Variants in IGFL2 observed in about 807,000 individuals in gnomAD.
The protein encoded by IGFL2 is insulin growth factor-like family member 2.
Under a neutral mutation model 13.9 loss-of-function variants are expected in IGFL2, and 7 were observed. The ratio of observed to expected loss-of-function variants is 0.51; its 90% CI spans 0.29 to 0.95. The LOEUF (loss-of-function observed/expected upper bound fraction) is 0.95, where lower values mean the gene tolerates loss of function less well. Among genes scored for constraint, IGFL2 ranks in the 40% least tolerant of loss-of-function variants. The pLI is 0.08. For missense variants in IGFL2, 138 were observed against 147.8 expected, an observed-to-expected ratio of 0.93 and a Z score of 0.34; for synonymous variants, 55 against 55.8, an observed-to-expected ratio of 0.99 and a Z score of 0.07.
the IGFL2 span, among the ~76,000 whole-genome samples, chr19:46,206,164 C>T: frequency 6.6e-6 from 1 of 152,148 alleles, no homozygotes; most frequent in Admixed American, 6.5e-5. Context: ...CCCTGCCCCA[C>T]TGCCCTCCCT....
At chr19:46,087,875 G>T in the IGFL2 span, among the ~76,000 whole-genome samples, 1 of 152,230 alleles carries the variant, frequency 6.6e-6, no homozygotes, top group Non-Finnish European at 1.5e-5. Context: ...ATGCAGTCTA[G>T]TGGAGGTGGA....
At chr19:46,091,490 G>A in the IGFL2 span, among the ~76,000 whole-genome samples, 2,049 of 152,312 alleles carry the variant, frequency 0.013, 31 homozygotes, top group Middle Eastern at 0.024. Context: ...TGTTAGAAGA[G>A]ACACTTGTGT....
intron 1 of IGFL2, among the ~76,000 whole-genome samples, chr19:46,157,929 T>C (rs919098166): frequency 6.6e-6 from 1 of 152,198 alleles, no homozygotes; most frequent in Non-Finnish European, 1.5e-5. Flanking sequence ...ATAAGTGAGT[T>C]TAGCAAGGTT....
At chr19:46,135,408 C>T in the IGFL2 span, among the ~76,000 whole-genome samples, 2 of 152,250 alleles carry the variant, frequency 1.3e-5, no homozygotes, top group Non-Finnish European at 2.9e-5. Flanking sequence ...CAGGGTTTAA[C>T]TCATGGTCAG....
the IGFL2 span, among the ~76,000 whole-genome samples, chr19:46,105,694 T>C: frequency 3.9e-5 from 6 of 152,146 alleles, no homozygotes; most frequent in Non-Finnish European, 5.9e-5. Flanking sequence ...TTGGAAGTTA[T>C]GAGAACTGTA....
chr19:46,201,001 C>A, the IGFL2 span, among the ~76,000 whole-genome samples: 1 of 152,188 alleles, frequency 6.6e-6, no homozygotes, highest in Non-Finnish European at 1.5e-5. Context: ...ATGACATACT[C>A]AAGCAGTTAT....
chr19:46,156,853 A>G (rs1044103406), intron 1 of IGFL2, among the ~76,000 whole-genome samples: 1 of 152,186 alleles, frequency 6.6e-6, no homozygotes, highest in Admixed American at 6.5e-5. Flanking sequence ...TAAAGAGTTA[A>G]TTCTTTGAAA....
chr19:46,099,725 A>G, the IGFL2 span, among the ~76,000 whole-genome samples: 3 of 151,872 alleles, frequency 2.0e-5, no homozygotes, highest in Admixed American at 2.0e-4. Context: ...ACGGGGTTTC[A>G]CCATCTTATC....
the IGFL2 span, among the ~76,000 whole-genome samples, chr19:46,098,841 T>C: frequency 1.3e-5 from 2 of 152,186 alleles, no homozygotes; most frequent in Admixed American, 6.5e-5. Flanking sequence ...TTAATATTGT[T>C]ATGTGTGTTT....
At chr19:46,165,880 CA>C (rs1167254936), downstream of IGFL2, among the ~76,000 whole-genome samples, 1 of 152,242 alleles carries the variant, frequency 6.6e-6, no homozygotes, top group Non-Finnish European at 1.5e-5. Flanking sequence ...AGGGACTTAC[CA>C]TGTGGCTACT....
chr19:46,135,269 C>T, the IGFL2 span, among the ~76,000 whole-genome samples: 1 of 152,164 alleles, frequency 6.6e-6, no homozygotes, highest in South Asian at 2.1e-4. Context: ...TGTCCACTTC[C>T]TGCTCCAGGA....
At chr19:46,079,909 T>TTGC in the IGFL2 span, among the ~76,000 whole-genome samples, 1 of 152,112 alleles carries the variant, frequency 6.6e-6, no homozygotes, top group South Asian at 2.1e-4. Flanking sequence ...AAGAACCCTA[T>TTGC]TGCTCCCTGG....
At chr19:46,093,358 G>A in the IGFL2 span, among the ~76,000 whole-genome samples, 1 of 152,132 alleles carries the variant, frequency 6.6e-6, no homozygotes, top group South Asian at 2.1e-4. Context: ...TTCATAAGCA[G>A]AATAAAATGC....
At chr19:46,151,847 G>C (rs1973513837) in intron 1 of IGFL2, among the ~76,000 whole-genome samples, 1 of 152,190 alleles carries the variant, frequency 6.6e-6, no homozygotes, top group Non-Finnish European at 1.5e-5. Context: ...GTGAGGCGGA[G>C]GTTGCAGTGA....
the IGFL2 span, chr19:46,113,452 C>G: frequency 5.2e-6 from 2 of 388,258 alleles, no homozygotes; most frequent in South Asian, 1.9e-5. Context: ...ACGTAGATAT[C>G]CAGGATTACG....
At chr19:46,159,244 T>A (rs529334315) in intron 1 of IGFL2, 1 of 152,326 alleles carries the variant, frequency 6.6e-6, no homozygotes, top group Admixed American at 6.5e-5. Flanking sequence ...TGGGGCATCA[T>A]CTTTTGAAAC....
chr19:46,183,260 A>C, the IGFL2 span, among the ~76,000 whole-genome samples: 3 of 152,136 alleles, frequency 2.0e-5, no homozygotes, highest in African/African-American at 7.2e-5. Flanking sequence ...CACCCCCATC[A>C]TCCAATCACC....
At chr19:46,200,002 G>A in the IGFL2 span, among the ~76,000 whole-genome samples, 3 of 151,866 alleles carry the variant, frequency 2.0e-5, no homozygotes, top group Non-Finnish European at 2.9e-5. Flanking sequence ...TCAGCCTCCC[G>A]AGTAGCTGGG....
upstream of IGFL2, among the ~76,000 whole-genome samples, chr19:46,139,132 C>T (rs1972739220): frequency 6.6e-6 from 1 of 152,022 alleles, no homozygotes; most frequent in African/African-American, 2.4e-5. Context: ...GGGCCAGGAA[C>T]AAGTCCTCAT....
Sources: gnomAD v4.1 joint callset for allele counts (sites outside exome capture counted in the v4.1 genomes callset) on GRCh38, gnomAD v4.1.1 for gene constraint, MANE v1.5 for transcripts, NCBI Gene and HGNC (gene_info 2026-07-23, HGNC 2026-07-21) for gene names.